Variants in CSF1R observed in about 807,000 individuals in gnomAD.
CSF1R encodes the protein colony stimulating factor 1 receptor, also known as macrophage colony-stimulating factor 1 receptor.
In CSF1R, 40 loss-of-function variants were observed where a neutral mutation model predicts 110.0. That is an observed-to-expected ratio of 0.36 (90% CI 0.28 to 0.47). The LOEUF (loss-of-function observed/expected upper bound fraction) is 0.47, where lower values mean the gene tolerates loss of function less well. CSF1R is among the 20% of genes least tolerant of loss of function. CSF1R has a pLI of 0.99. For synonymous variants in CSF1R, 523 were observed against 503.4 expected (o/e 1.04, Z -0.52); for missense variants, 1,052 against 1,253.0 (o/e 0.84, Z 2.42).
intron 10 of CSF1R, among the ~76,000 whole-genome samples, chr5:150,064,644 G>A (rs1455503036): frequency 6.6e-6 from 1 of 152,202 alleles, no homozygotes; most frequent in Non-Finnish European, 1.5e-5. Flanking sequence ...CTGTGGCTAA[G>A]ACTGTTTTTT....
At position 150,070,402 on chromosome 5, in the gene CSF1R, C is replaced by T. The variant is rs1395941021; in HGVS notation, c.1198+54G>A. The T allele has an allele frequency of 5.1e-6, 8 of 1,571,418 alleles. No homozygotes were observed. The East Asian group carries it at 1.8e-4, about 35-fold the overall frequency. ...TGCCCTGCCCCAGTCAACCCCATCC[C>T]TCCAGGCAGTCCCAGGGCCTCCGCC... On this transcript the variant is annotated intron_variant, in intron 7 of 20. Transcript: ENST00000675795.
chr5:150,077,704 C>T (rs1486199430), intron 4 of CSF1R, among the ~76,000 whole-genome samples: 1 of 152,118 alleles, frequency 6.6e-6, no homozygotes, highest in Non-Finnish European at 1.5e-5. Flanking sequence ...CAACGTGAGT[C>T]CCTCCTGGAA....
chr5:150,097,141 A>C (rs908749986), intron 1 of CSF1R, among the ~76,000 whole-genome samples: 27 of 152,298 alleles, frequency 1.8e-4, no homozygotes, highest in African/African-American at 6.3e-4. Context: ...GCACACCTAT[A>C]GTCCTAGCTA....
At chr5:150,057,708 A>AAGGG in intron 14 of CSF1R, 116 bp from the exon 15 acceptor site, 1 of 710,180 alleles carries the variant, frequency 1.4e-6, no homozygotes, top group Non-Finnish European at 2.5e-6. Flanking sequence ...TCTGATAAGA[A>AAGGG]ACCCTCCTGC....
At chr5:150,088,776 TGCC>T (rs1758944997), upstream of CSF1R, among the ~76,000 whole-genome samples, 1 of 152,170 alleles carries the variant, frequency 6.6e-6, no homozygotes, top group African/African-American at 2.4e-5. Context: ...TCAAGCAGTC[TGCC>T]CATCTTGGCC....
chr5:150,106,574 C>A (rs546689138), intron 1 of CSF1R, among the ~76,000 whole-genome samples: 1 of 152,310 alleles, frequency 6.6e-6, no homozygotes, highest in East Asian at 1.9e-4. Context: ...GGTTCGACCA[C>A]ACCTATCTCT....
rs771138400 is a variant in CSF1R, at chr5:150,068,338, G to T, written c.1511-8C>A. Reference sequence around the variant, plus strand: ...GGGGATGCGTGTGGGCTCCTGGAAGGCATGAAGCAAAGCAGTGAGCAGGCA... The same window carrying T: ...GGGGATGCGTGTGGGCTCCTGGAAGTCATGAAGCAAAGCAGTGAGCAGGCA... On this transcript the variant is annotated splice_region_variant and splice_polypyrimidine_tract_variant and intron_variant, in intron 9 of 20. Coordinates refer to ENST00000675795, the MANE Select transcript of CSF1R (RefSeq NM_001288705.3). 3.7e-6 allele frequency: 6 copies of T among 1,609,166 alleles called. No homozygotes were observed. In the Admixed American group the frequency reaches 1.0e-4, roughly 27 times the overall value.
chr5:150,105,877 T>C (rs1229712263), intron 1 of CSF1R, among the ~76,000 whole-genome samples: 1 of 152,260 alleles, frequency 6.6e-6, no homozygotes, highest in Non-Finnish European at 1.5e-5. Flanking sequence ...CAGCAGGCTC[T>C]TTCCATATTT....
intron 11 of CSF1R, 53 bp downstream of exon 11, chr5:150,061,670 A>G: frequency 1.2e-6 from 2 of 1,613,776 alleles, no homozygotes; most frequent in Non-Finnish European, 1.7e-6. Flanking sequence ...GCTCCCTGCA[A>G]CCCCCACAGG....
chr5:150,069,731 T>G, intron 9 of CSF1R, 142 bp downstream of exon 9: 3 of 708,542 alleles, frequency 4.2e-6, no homozygotes, highest in Non-Finnish European at 6.7e-6. Context: ...CCCAGAGAGG[T>G]GGACCTTGGT....
Position 150,077,282 on chromosome 5 carries a change from C to G in CSF1R, c.883G>C (p.Val295Leu), listed in dbSNP as rs773133076. Reference protein sequence around the residue: ...GKHSTSMFFRVVESAYLNLSS... With the variant: ...GKHSTSMFFRLVESAYLNLSS... ...CCACCACCCTGATGCTTACCTACCA[C>G]CCGGAAGAACATGGAGGTGGAGTGC... Residue 295 changes from valine (V) to leucine (L), a missense_variant, in exon 5 of 21, where the codon GTG becomes CTG. Transcript: ENST00000675795. 3 of 1,614,082 alleles carry G rather than the reference C, an allele frequency of 1.9e-6. No homozygotes were observed. The highest frequency in any genetic ancestry group is 2.5e-6 in the Non-Finnish European group (3 of 1,180,038).
intron 10 of CSF1R, 39 bp downstream of exon 10, chr5:150,068,176 C>A (rs1757859122): frequency 1.3e-6 from 2 of 1,542,310 alleles, no homozygotes; most frequent in South Asian, 1.1e-5. Context: ...AAATCTGGCT[C>A]ACTCAGGCAC....
chr5:150,059,582 A>G (rs1457473550), intron 14 of CSF1R, 118 bp downstream of exon 14: 2 of 1,173,626 alleles, frequency 1.7e-6, no homozygotes, highest in Non-Finnish European at 2.4e-6. Flanking sequence ...CACAGGTGGC[A>G]GGTGAGGGCT....
intron 5 of CSF1R, among the ~76,000 whole-genome samples, chr5:150,074,484 T>C (rs995269712): frequency 3.3e-5 from 5 of 151,964 alleles, no homozygotes; most frequent in Non-Finnish European, 7.4e-5. Context: ...CTAACTAGTT[T>C]CTCCTAATGA....
At chr5:150,060,054 A>G (rs1178332399) in intron 13 of CSF1R, among the ~76,000 whole-genome samples, 192 bp from the exon 14 acceptor site, 3 of 152,080 alleles carry the variant, frequency 2.0e-5, no homozygotes, top group East Asian at 1.9e-4. Flanking sequence ...TTGGCGGGGC[A>G]CGGTGGCTCA....
At chr5:150,058,871 T>C (rs1309093166) in intron 14 of CSF1R, among the ~76,000 whole-genome samples, 1 of 152,066 alleles carries the variant, frequency 6.6e-6, no homozygotes, top group African/African-American at 2.4e-5. Flanking sequence ...CTTGGGTGAC[T>C]CCTGGACTGG....
intron 1 of CSF1R, among the ~76,000 whole-genome samples, chr5:150,097,403 G>C (rs1269465631): frequency 6.9e-6 from 1 of 144,280 alleles, no homozygotes; most frequent in Non-Finnish European, 1.5e-5. Context: ...GAAAGAAGAA[G>C]AAAGAAAGAA....
intron 1 of CSF1R, among the ~76,000 whole-genome samples, chr5:150,093,008 C>T (rs1308517994): frequency 6.6e-6 from 1 of 152,128 alleles, no homozygotes; most frequent in South Asian, 2.1e-4. Flanking sequence ...TAAGGGGGAA[C>T]TACTGCACTA....
chr5:150,098,879 A>G (rs1722537785), intron 1 of CSF1R, among the ~76,000 whole-genome samples: 1 of 147,572 alleles, frequency 6.8e-6, no homozygotes, highest in East Asian at 2.1e-4. Context: ...TAAGGATGAG[A>G]ATACAAACAA....
Sources: allele counts gnomAD v4.1 joint callset (sites outside exome capture counted in the v4.1 genomes callset), GRCh38; gene constraint gnomAD v4.1.1; transcripts MANE v1.5; gene names NCBI Gene and HGNC (gene_info 2026-07-23, HGNC 2026-07-21).